The following RHOG variants were observed in gnomAD, a reference collection of about 807,000 sequenced individuals.
The protein encoded by RHOG is ras homolog family member G, also known as rho-related GTP-binding protein RhoG.
In RHOG, 1 loss-of-function variant was observed where a neutral mutation model predicts 12.3. The observed-to-expected ratio is 0.08, with a 90% CI of 0.03 to 0.39. The LOEUF (loss-of-function observed/expected upper bound fraction) is 0.39. Ranked by LOEUF, RHOG falls within the 10% of genes least tolerant of loss-of-function variation. The pLI is 0.99. For missense variants in RHOG, 114 were observed against 266.2 expected, an observed-to-expected ratio of 0.43 and a Z score of 3.98; for synonymous variants, 129 against 116.0, an observed-to-expected ratio of 1.11 and a Z score of -0.72.
In RHOG at chr11:3,836,902, C is replaced by CAAAAAAA. The variant is rs57344316; in HGVS notation, c.-69+3985_-69+3991dup. Among the ~76,000 whole-genome samples, 22 of 29,252 alleles carry CAAAAAAA rather than the reference C, an allele frequency of 7.5e-4. 2 individuals carry two copies. The highest frequency in any genetic ancestry group is 2.3e-3 in the African/African-American group (12 of 5,228). 19.2% of individuals were successfully genotyped at this position (29,252 alleles called of 152,430 possible). ...TGGGTGACAGAGCAAGACTCCATCTCAAAAAAAAAAAAAAAAAAAAAAAAA... is the reference window on the plus strand; with the variant it reads ...TGGGTGACAGAGCAAGACTCCATCTCAAAAAAAAAAAAAAAAAAAAAAAAAAAAAAAA... On this transcript the variant is annotated intron_variant, in intron 1 of 1. Transcript: ENST00000351018.
At position 3,827,619 on chromosome 11, in the gene RHOG, G is replaced by A. The variant is rs1378762902; in HGVS notation, c.520C>T (p.Arg174Trp). 2 of 1,612,788 alleles carry A rather than the reference G, an allele frequency of 1.2e-6. No individual in the cohort carries two copies. The highest frequency in any genetic ancestry group is 1.7e-6 in the Non-Finnish European group (2 of 1,180,018). ...GVKEVFAEAV[R>W]AVLNPTPIKR... The stretch of plus-strand genomic sequence containing the variant: ...ATCGGCGTGGGGTTGAGCACAGCCC[G>A]GACAGCCTCGGCGAACACTTCCTTG... The change falls in exon 2 of 2, where the codon CGG (arginine) becomes TGG (tryptophan). Residue 174 changes from arginine (R) to tryptophan (W), a missense_variant. This residue lies in a region of RHOG where 61 missense variants were observed against 101.4 expected (regional missense o/e 0.60). Transcript: ENST00000351018. The surrounding 1 kb of genome is among the most constrained non-coding windows in gnomAD (Gnocchi z 7.3).
intron 1 of RHOG, among the ~76,000 whole-genome samples, chr11:3,829,750 A>T (rs1197035993): frequency 1.3e-5 from 2 of 149,088 alleles, no homozygotes; most frequent in African/African-American, 4.9e-5. Context: ...GGTGGAGCAA[A>T]TTTTTTTCTT....
At position 3,839,485 on chromosome 11, in the gene RHOG, A is replaced by AACACAC. The variant is rs71041402; in HGVS notation, c.-69+1403_-69+1408dup. ...GTAGTCACACAGACACGCGCGCGCG[A>AACACAC]ACACACACACACACACACACACACA... On this transcript the variant is annotated intron_variant, in intron 1 of 1. Coordinates refer to ENST00000351018, the MANE Select transcript of RHOG (RefSeq NM_001665.4). Among the ~76,000 whole-genome samples the AACACAC allele has an allele frequency of 1.2e-3, 173 of 141,988 alleles. 1 individual carries two copies. Among genetic ancestry groups the AACACAC allele is most frequent in the Middle Eastern group, 3.6e-3 (1 of 274 alleles). The allele number at this position is 141,988 out of a possible 152,430, so 93.1% of individuals were successfully genotyped here. A position where few individuals can be genotyped will look rare whatever the true frequency, so the allele number is the denominator to read the frequency against.
intron 1 of RHOG, among the ~76,000 whole-genome samples, chr11:3,829,362 T>C (rs1033320739): frequency 6.6e-6 from 1 of 150,878 alleles, no homozygotes; most frequent in Non-Finnish European, 1.5e-5. Context: ...AAGTGTCTCC[T>C]GCCTCAGCCT....
intron 1 of RHOG, among the ~76,000 whole-genome samples, chr11:3,829,871 C>T (rs753840218): frequency 2.3e-4 from 35 of 152,146 alleles, no homozygotes; most frequent in African/African-American, 8.0e-4. Context: ...CTCACCCTCC[C>T]GAGTGGCTGG....
Position 3,827,385 on chromosome 11 carries a change from G to A in RHOG, c.*178C>T. 1.6e-6 allele frequency: 1 copy of A among 606,290 alleles called. No individual in the cohort carries two copies. Among genetic ancestry groups the A allele is most frequent in the Non-Finnish European group, 2.9e-6 (1 of 343,366 alleles). The allele number at this position is 606,290 out of a possible 1,614,324, so 37.6% of individuals were successfully genotyped here. On this transcript the variant is annotated 3_prime_UTR_variant, in exon 2 of 2. Transcript: ENST00000351018. The surrounding 1 kb of genome is among the most constrained non-coding windows in gnomAD (Gnocchi z 7.3). ...CAAGCAGAGGGGGGCAGAGCCCAAA[G>A]CCCCTTTCTCTGCAGGCCTCCTTAA...
chr11:3,832,055 T>C (rs1250608154), intron 1 of RHOG, among the ~76,000 whole-genome samples: 1 of 151,898 alleles, frequency 6.6e-6, no homozygotes, highest in Admixed American at 6.6e-5. Context: ...ATGAGTATGG[T>C]AGTGTCCAGA....
At chr11:3,829,078 A>G (rs1466425609) in intron 1 of RHOG, among the ~76,000 whole-genome samples, 1 of 151,822 alleles carries the variant, frequency 6.6e-6, no homozygotes, top group East Asian at 1.9e-4. Context: ...TCTGTGATGC[A>G]GCCATAAGTA....
chr11:3,840,224 G>C (rs939912546), intron 1 of RHOG, among the ~76,000 whole-genome samples: 1 of 152,112 alleles, frequency 6.6e-6, no homozygotes, highest in Non-Finnish European at 1.5e-5. Context: ...GCCAGGCTCT[G>C]GTCAGCTAGG....
chr11:3,830,350 C>A (rs868553444), intron 1 of RHOG, among the ~76,000 whole-genome samples: 1 of 152,078 alleles, frequency 6.6e-6, no homozygotes, highest in South Asian at 2.1e-4. Flanking sequence ...TATTGCATTA[C>A]AATTGCTCAG....
chr11:3,827,438 C>CATTCAGGG lies in RHOG; in HGVS notation c.*117_*124dup. ...AGAAAAAGGCACTCAGAGAAAAAGG[C>CATTCAGGG]ATTCAGGGAACCCCCTGGAAAGGGG... On this transcript the variant is annotated 3_prime_UTR_variant, in exon 2 of 2. Coordinates refer to ENST00000351018, the MANE Select transcript of RHOG (RefSeq NM_001665.4). This position sits in a 1 kb window ranked among gnomAD's most constrained non-coding sequence, Gnocchi z 7.3. 2 of 739,874 alleles carry CATTCAGGG rather than the reference C, an allele frequency of 2.7e-6. No homozygotes were observed. Among genetic ancestry groups the CATTCAGGG allele is most frequent in the Non-Finnish European group, 4.4e-6 (2 of 458,438 alleles). The allele number at this position is 739,874 out of a possible 1,614,324, so 45.8% of individuals were successfully genotyped here.
At chr11:3,834,496 T>C (rs1301136660) in intron 1 of RHOG, among the ~76,000 whole-genome samples, 1 of 152,168 alleles carries the variant, frequency 6.6e-6, no homozygotes, top group East Asian at 1.9e-4. Flanking sequence ...CAGACAAGAC[T>C]GCAATGCTGA....
rs2090190312 is a variant in RHOG, at chr11:3,840,925, G to A, written c.-100C>T. The A allele has an allele frequency of 6.6e-6, 1 of 152,134 alleles. No homozygotes were observed. Among genetic ancestry groups the A allele is most frequent in the Non-Finnish European group, 1.5e-5 (1 of 68,058 alleles). 9.4% of individuals were successfully genotyped at this position (152,134 alleles called of 1,614,324 possible). A position where few individuals can be genotyped will look rare whatever the true frequency, so the allele number is the denominator to read the frequency against. On this transcript the variant is annotated 5_prime_UTR_variant, in exon 1 of 2. Transcript: ENST00000351018. ...CCCTCCCCGAGGCGGGGGAGCTGGG[G>A]GCGGCGGCAGCGGCTCCGGGCTCGA...
chr11:3,831,783 G>A (rs933993470), intron 1 of RHOG, among the ~76,000 whole-genome samples: 1 of 152,138 alleles, frequency 6.6e-6, no homozygotes, highest in Non-Finnish European at 1.5e-5. Flanking sequence ...AGAACTCCTG[G>A]GCCTGTAATC....
chr11:3,829,655 G>A (rs1022192516), intron 1 of RHOG, among the ~76,000 whole-genome samples: 1 of 152,130 alleles, frequency 6.6e-6, no homozygotes, highest in African/African-American at 2.4e-5. Context: ...CCTGGGATTT[G>A]GACTGGGGTC....
Position 3,828,811 on chromosome 11 carries a change from G to GCA in RHOG, c.-68-606_-68-605insTG, listed in dbSNP as rs1565081960. 3.0e-4 allele frequency among the ~76,000 whole-genome samples: 45 copies of GCA among 151,498 alleles called. No homozygotes were observed. The East Asian group carries it at 7.4e-3, about 25-fold the overall frequency. On this transcript the variant is annotated intron_variant, in intron 1 of 1. Transcript: ENST00000351018. ...AATTTTTTGTATTTTTAGTAGAGAT[G>GCA]GGGTTTCACCGTGTTGGCCAGGATG...
At chr11:3,833,896 T>G (rs1022282117) in intron 1 of RHOG, among the ~76,000 whole-genome samples, 1 of 152,230 alleles carries the variant, frequency 6.6e-6, no homozygotes. Context: ...AAGGCCTAAC[T>G]TAAGTCTCAC....
chr11:3,832,732 TGGGTTGA>T (rs2090137929), intron 1 of RHOG, among the ~76,000 whole-genome samples: 1 of 152,182 alleles, frequency 6.6e-6, no homozygotes, highest in Non-Finnish European at 1.5e-5. Flanking sequence ...TGGCCTGAAC[TGGGTTGA>T]ATAAGTTACC....
At chr11:3,839,800 T>C (rs375935500) in intron 1 of RHOG, among the ~76,000 whole-genome samples, 28 of 151,940 alleles carry the variant, frequency 1.8e-4, no homozygotes, top group Middle Eastern at 3.4e-3. Context: ...AGGCTGAGGG[T>C]TCAAAAGGAA....
Sources: gnomAD v4.1 joint callset for allele counts (sites outside exome capture counted in the v4.1 genomes callset) on GRCh38, gnomAD v4.1.1 for gene constraint, gnomAD v4.1.1 regional missense constraint, Gnocchi (gnomAD v3.1) non-coding constraint, MANE v1.5 for transcripts, NCBI Gene and HGNC (gene_info 2026-07-23, HGNC 2026-07-21) for gene names.